TLL1: variants seen among roughly 807,000 people sequenced by gnomAD.
The protein encoded by TLL1 is tolloid like 1.
In TLL1, 49 loss-of-function variants were observed where a neutral mutation model predicts 128.2. The observed-to-expected ratio is 0.38, with a 90% confidence interval of 0.30 to 0.48. The LOEUF is 0.48. TLL1 is among the 20% of genes least tolerant of loss of function. TLL1 has a pLI of 0.96. For synonymous variants in TLL1, 454 were observed against 418.8 expected (o/e 1.08, Z -1.03); for missense variants, 1,123 against 1,242.0 (o/e 0.90, Z 1.44).
intron 12 of TLL1, chr4:166,053,319 C>T (rs1739844568): frequency 6.6e-6 from 1 of 151,978 alleles, no homozygotes; most frequent in African/African-American, 2.4e-5. Flanking sequence ...TCTTATCTTG[C>T]TACGCTTTCT....
intron 15 of TLL1, among the ~76,000 whole-genome samples, chr4:166,062,953 C>T (rs1190914016): frequency 6.6e-6 from 1 of 152,082 alleles, no homozygotes; most frequent in Non-Finnish European, 1.5e-5. Flanking sequence ...TGTCAAAGGC[C>T]TTTTCTGCAT....
intron 1 of TLL1, among the ~76,000 whole-genome samples, chr4:165,916,509 G>A (rs1218907737): frequency 6.6e-6 from 1 of 152,176 alleles, no homozygotes; most frequent in East Asian, 1.9e-4. Flanking sequence ...GAAGTAAGGT[G>A]CATTGATGGG....
intron 18 of TLL1, among the ~76,000 whole-genome samples, chr4:166,086,584 C>T (rs1054137066): frequency 2.6e-5 from 4 of 152,070 alleles, no homozygotes; most frequent in Non-Finnish European, 5.9e-5. Context: ...TGCAACATGG[C>T]GGTCTCAAAG....
At chr4:165,987,166 G>A (rs1377234936) in intron 1 of TLL1, among the ~76,000 whole-genome samples, 2 of 152,044 alleles carry the variant, frequency 1.3e-5, no homozygotes, top group East Asian at 3.9e-4. Context: ...CACACTACCA[G>A]CACTAAGAAA....
intron 1 of TLL1, among the ~76,000 whole-genome samples, chr4:165,922,829 TA>T (rs1733093666): frequency 6.6e-6 from 1 of 152,204 alleles, no homozygotes; most frequent in Non-Finnish European, 1.5e-5. Context: ...CTATGATATT[TA>T]GATAGAGCCT....
intron 5 of TLL1, among the ~76,000 whole-genome samples, chr4:165,996,349 C>A (rs1485523798): frequency 6.6e-6 from 1 of 152,198 alleles, no homozygotes; most frequent in African/African-American, 2.4e-5. Flanking sequence ...TGGCTCACGC[C>A]TGTAATCCCA....
chr4:165,986,495 C>T (rs563537791), intron 1 of TLL1, among the ~76,000 whole-genome samples: 21 of 151,898 alleles, frequency 1.4e-4, no homozygotes, highest in East Asian at 1.9e-4. Flanking sequence ...CAAGTCTGGC[C>T]GTAAATGAAT....
At chr4:165,986,644 G>A (rs1354824387) in intron 1 of TLL1, among the ~76,000 whole-genome samples, 1 of 152,008 alleles carries the variant, frequency 6.6e-6, no homozygotes, top group Non-Finnish European at 1.5e-5. Context: ...ATGGGCTTAT[G>A]TCCTCCAGAA....
chr4:166,084,046 CTCGTTA>C (rs979717118), intron 18 of TLL1, among the ~76,000 whole-genome samples: 55 of 152,236 alleles, frequency 3.6e-4, no homozygotes, highest in African/African-American at 1.2e-3. Flanking sequence ...CTCACCAACA[CTCGTTA>C]TCTTTTGTGT....
At chr4:165,909,892 G>A (rs774829293) in intron 1 of TLL1, among the ~76,000 whole-genome samples, 60 of 152,232 alleles carry the variant, frequency 3.9e-4, no homozygotes, top group Non-Finnish European at 6.2e-4. Flanking sequence ...AGTTTTGCAA[G>A]TAATAGTAGC....
intron 18 of TLL1, among the ~76,000 whole-genome samples, chr4:166,082,208 GC>G (rs553113303): frequency 6.1e-4 from 93 of 152,202 alleles, no homozygotes; most frequent in Non-Finnish European, 1.3e-3. Context: ...ACGCATTGCT[GC>G]CACACCAGAA....
chr4:166,034,827 C>T (rs1738925858), intron 9 of TLL1, among the ~76,000 whole-genome samples: 1 of 152,144 alleles, frequency 6.6e-6, no homozygotes, highest in Admixed American at 6.6e-5. Flanking sequence ...ATTTATTTCT[C>T]ACTCTCAGAG....
rs7680257 is a variant in TLL1, at chr4:166,065,899, G to T, written c.2188+36G>T. ...TCACATGTTGTATGTGTATATTACAGATTTTCAATGTGGGTTGGATTAAAT... is the reference window on the plus strand; with the variant it reads ...TCACATGTTGTATGTGTATATTACATATTTTCAATGTGGGTTGGATTAAAT... On this transcript the variant is annotated intron_variant, in intron 16 of 20. Coordinates refer to ENST00000061240, the MANE Select transcript of TLL1 (RefSeq NM_012464.5). The T allele has an allele frequency of 1.7e-3, 2,281 of 1,336,322 alleles. 28 individuals are homozygous for T. The African/African-American group carries it at 0.066, about 39-fold the overall frequency. 82.8% of individuals were successfully genotyped at this position (1,336,322 alleles called of 1,614,324 possible). A position where few individuals can be genotyped will look rare whatever the true frequency, so the allele number is the denominator to read the frequency against.
intron 9 of TLL1, among the ~76,000 whole-genome samples, chr4:166,026,563 T>C (rs1738500486): frequency 6.6e-6 from 1 of 152,210 alleles, no homozygotes; most frequent in South Asian, 2.1e-4. Context: ...GGCATGTGCC[T>C]GTAATCCCAG....
In TLL1 at chr4:166,003,579, A is replaced by C. The variant is rs770265059; in HGVS notation, c.811+10A>C. 1.2e-6 allele frequency: 2 copies of C among 1,613,670 alleles called. No individual in the cohort carries two copies. The highest frequency in any genetic ancestry group is 2.2e-5 in the East Asian group (1 of 44,848). On this transcript the variant is annotated intron_variant, in intron 6 of 20. Coordinates refer to ENST00000061240, the MANE Select transcript of TLL1 (RefSeq NM_012464.5). ...GAAAACATCCAGCCAGGTGAGAGGC[A>C]TAGAATGTGTTGGGTTTAAGGCTGA...
rs201886806 is a variant in TLL1, at chr4:165,985,917, CT to C, written c.170-3463del. Among the ~76,000 whole-genome samples the C allele has an allele frequency of 3.1e-3, 474 of 151,978 alleles. 11 individuals are homozygous for C. In the East Asian group the frequency reaches 0.043, roughly 14 times the overall value. On this transcript the variant is annotated intron_variant, in intron 1 of 20. Transcript: ENST00000061240. Reference sequence around the variant, plus strand: ...TGGCTTACTGGTTAGCTCCAACCCCCTATTTGACCATAAGAATCCAAGCAGA... The same window carrying C: ...TGGCTTACTGGTTAGCTCCAACCCCCATTTGACCATAAGAATCCAAGCAGA...
intron 9 of TLL1, among the ~76,000 whole-genome samples, chr4:166,036,526 A>G (rs572010723): frequency 6.6e-6 from 1 of 152,304 alleles, no homozygotes; most frequent in Admixed American, 6.5e-5. Context: ...AAACAAGCAG[A>G]TATTTTCCAA....
chr4:165,943,567 A>T (rs906684155), intron 1 of TLL1, among the ~76,000 whole-genome samples: 5 of 152,074 alleles, frequency 3.3e-5, no homozygotes, highest in Admixed American at 6.6e-5. Flanking sequence ...CCTTTAAAAT[A>T]CTCATGCCAG....
chr4:165,992,505 G>T (rs1736692209), intron 2 of TLL1, among the ~76,000 whole-genome samples: 1 of 152,030 alleles, frequency 6.6e-6, no homozygotes, highest in African/African-American at 2.4e-5. Context: ...ACTATGTGAT[G>T]TCAAGGTCAC....
Sources: allele counts gnomAD v4.1 joint callset (sites outside exome capture counted in the v4.1 genomes callset), GRCh38; gene constraint gnomAD v4.1.1; transcripts MANE v1.5; gene names NCBI Gene and HGNC (gene_info 2026-07-23, HGNC 2026-07-21).